Variants in STK3 observed in about 807,000 individuals in gnomAD.
STK3 encodes serine/threonine-protein kinase 3.
A neutral mutation model predicts 58.0 loss-of-function variants in STK3; 41 were observed. The ratio of observed to expected loss-of-function variants is 0.71; its 90% CI spans 0.55 to 0.92. The LOEUF (loss-of-function observed/expected upper bound fraction) is 0.92, where lower values mean the gene tolerates loss of function less well. Among genes scored for constraint, STK3 ranks in the 40% least tolerant of loss-of-function variants. The probability of loss-of-function intolerance (pLI) is 0.00; values close to 1 mark genes in which losing one functional copy is unlikely to be tolerated. For missense variants in STK3, 479 were observed against 602.7 expected (o/e 0.79, Z 2.15); for synonymous variants, 170 against 191.0 (o/e 0.89, Z 0.91).
At chr8:98,730,497 C>T (rs1312462326) in intron 4 of STK3, among the ~76,000 whole-genome samples, 3 of 152,080 alleles carry the variant, frequency 2.0e-5, no homozygotes, top group Non-Finnish European at 4.4e-5. Flanking sequence ...GTGGGTGGAT[C>T]ACCTGAGGTC....
chr8:98,638,847 T>C (rs928708981), intron 6 of STK3, among the ~76,000 whole-genome samples: 2 of 152,182 alleles, frequency 1.3e-5, no homozygotes, highest in Admixed American at 1.3e-4. Context: ...CAATTATTTA[T>C]AGGACAGTTC....
At chr8:98,398,875 G>A (rs1046898175), downstream of STK3, among the ~76,000 whole-genome samples, 5 of 152,214 alleles carry the variant, frequency 3.3e-5, no homozygotes, top group African/African-American at 9.7e-5. Flanking sequence ...AGAGGCCACA[G>A]CGTTAAATCC....
intron 1 of STK3, among the ~76,000 whole-genome samples, chr8:98,796,319 G>A (rs1298002222): frequency 6.6e-6 from 1 of 152,130 alleles, no homozygotes; most frequent in Non-Finnish European, 1.5e-5. Flanking sequence ...GAACTGAAAA[G>A]AGAACCCAGA....
In STK3 at chr8:98,757,660, A is replaced by G. The variant is rs570854856; in HGVS notation, c.237-8270T>C. Among the ~76,000 whole-genome samples, 6 of 151,680 alleles carry G rather than the reference A, an allele frequency of 4.0e-5. No homozygotes were observed. In the South Asian group the frequency reaches 1.3e-3, roughly 32 times the overall value. Reference sequence around the variant, plus strand: ...ACAGTTCAAGACCTGAGACTTCTAAACTCAAGTCTATTTCCATTAACACAG... The same window carrying G: ...ACAGTTCAAGACCTGAGACTTCTAAGCTCAAGTCTATTTCCATTAACACAG... On this transcript the variant is annotated intron_variant, in intron 3 of 10. Transcript: ENST00000419617.
chr8:98,658,841 T>C (rs2130774458), intron 6 of STK3, among the ~76,000 whole-genome samples: 1 of 152,118 alleles, frequency 6.6e-6, no homozygotes, highest in Admixed American at 6.6e-5. Context: ...TGTCACAGAG[T>C]TAAAAAATGG....
At chr8:98,511,976 TA>T (rs1213937916) in intron 10 of STK3, among the ~76,000 whole-genome samples, 3 of 152,126 alleles carry the variant, frequency 2.0e-5, no homozygotes, top group Non-Finnish European at 4.4e-5. Context: ...TTAAATTTTT[TA>T]ATTATTATTA....
At chr8:98,857,407 CT>C (rs1836723175) in intron 3 of STK3, among the ~76,000 whole-genome samples, 1 of 150,074 alleles carries the variant, frequency 6.7e-6, no homozygotes, top group African/African-American at 2.5e-5. Context: ...CTCTCGAAAA[CT>C]GTTACTTGGG....
In STK3 at chr8:98,513,748, T is replaced by C. The variant is rs148278910; in HGVS notation, c.1317+12994A>G. Among the ~76,000 whole-genome samples the C allele has an allele frequency of 8.9e-4, 135 of 152,158 alleles. 1 individual carries two copies. The highest frequency in any genetic ancestry group is 3.2e-3 in the African/African-American group (133 of 41,520). On this transcript the variant is annotated intron_variant, in intron 10 of 10. Transcript: ENST00000419617. ...TCTACCCACTAATTCTCTGAGACCC[T>C]AGAAAAAGAACACCACTGACTCCCA...
chr8:98,614,873 T>C (rs112323184), intron 6 of STK3, among the ~76,000 whole-genome samples: 1 of 152,092 alleles, frequency 6.6e-6, no homozygotes, highest in Non-Finnish European at 1.5e-5. Context: ...AGGCGGCAGC[T>C]AGGCTGGGGG....
intron 1 of STK3, among the ~76,000 whole-genome samples, chr8:98,445,832 T>C (rs1251101812): frequency 6.6e-6 from 1 of 152,190 alleles, no homozygotes; most frequent in Non-Finnish European, 1.5e-5. Flanking sequence ...ACATCACTAT[T>C]TCTAGATATT....
intron 1 of STK3, among the ~76,000 whole-genome samples, chr8:98,809,078 C>T (rs1371016270): frequency 6.6e-6 from 1 of 152,228 alleles, no homozygotes; most frequent in East Asian, 1.9e-4. Flanking sequence ...AAGAGTGATG[C>T]ACCCCAACTC....
intron 3 of STK3, among the ~76,000 whole-genome samples, chr8:98,846,855 C>G (rs1034530528): frequency 7.1e-6 from 1 of 140,400 alleles, no homozygotes; most frequent in Non-Finnish European, 1.5e-5. Flanking sequence ...ATTCAGGATC[C>G]TACACACACA....
downstream of STK3, among the ~76,000 whole-genome samples, chr8:98,398,911 A>G (rs1181088788): frequency 6.6e-6 from 1 of 152,206 alleles, no homozygotes; most frequent in African/African-American, 2.4e-5. Context: ...AGGTAACAAA[A>G]TATTTTGCAT....
At chr8:98,763,300 AT>A (rs1563975114) in intron 3 of STK3, among the ~76,000 whole-genome samples, 1 of 152,224 alleles carries the variant, frequency 6.6e-6, no homozygotes, top group African/African-American at 2.4e-5. Flanking sequence ...ACATTCAGCA[AT>A]AAACAAAGCA....
intron 1 of STK3, among the ~76,000 whole-genome samples, chr8:98,941,092 C>G (rs1840405419): frequency 6.6e-6 from 1 of 152,212 alleles, no homozygotes. Context: ...CCCCTCAGCC[C>G]GCGCCACGCA....
chr8:98,429,482 C>T, intron 3 of STK3: 1 of 1,142,138 alleles, frequency 8.8e-7, no homozygotes, highest in South Asian at 1.4e-5. Flanking sequence ...ACAGCCCAGG[C>T]ACCTTATGGT....
At chr8:98,633,716 T>C in intron 6 of STK3, 2 of 671,888 alleles carry the variant, frequency 3.0e-6, no homozygotes, top group Non-Finnish European at 5.6e-6. Flanking sequence ...GACAGACATC[T>C]GGAGGATCTG....
rs1417403630 is a variant in STK3 at position 98,411,374 on chromosome 8, T to C, written n.484-9861A>G. On this transcript the variant is annotated intron_variant and non_coding_transcript_variant, in intron 3 of 3. Transcript: ENST00000517832. Reference sequence around the variant, plus strand: ...CCCTTTTAGAAGTATGCGGGAAACATATTCACAGGAAAACATCTTCACTTA... The same window carrying C: ...CCCTTTTAGAAGTATGCGGGAAACACATTCACAGGAAAACATCTTCACTTA... Among the ~76,000 whole-genome samples, 3 of 152,214 alleles carry C rather than the reference T, an allele frequency of 2.0e-5. No homozygotes were observed. In the East Asian group the frequency reaches 5.8e-4, roughly 29 times the overall value.
At chr8:98,572,741 A>T (rs1234847925) in intron 8 of STK3, among the ~76,000 whole-genome samples, 1 of 152,222 alleles carries the variant, frequency 6.6e-6, no homozygotes. Context: ...TATGCAGGGC[A>T]ACAACAGATA....
Sources: allele counts gnomAD v4.1 joint callset (sites outside exome capture counted in the v4.1 genomes callset), GRCh38; gene constraint gnomAD v4.1.1; transcripts MANE v1.5; gene names NCBI Gene and HGNC (gene_info 2026-07-23, HGNC 2026-07-21).